The following GTPBP10 variants were observed in gnomAD, a reference collection of about 807,000 sequenced individuals.
GTPBP10 encodes GTP binding protein 10, also known as GTP-binding protein 10.
Under a neutral mutation model 44.8 loss-of-function variants are expected in GTPBP10, and 38 were observed. That is an observed-to-expected ratio of 0.85 (90% confidence interval 0.65 to 1.11). The LOEUF (loss-of-function observed/expected upper bound fraction) is 1.11, where lower values mean the gene tolerates loss of function less well. Among genes scored for constraint, GTPBP10 ranks in the 50% most tolerant of loss-of-function variants. The pLI, the probability that GTPBP10 is intolerant of heterozygous loss-of-function variation, is 0.00. For synonymous variants in GTPBP10, 152 were observed against 150.6 expected, an observed-to-expected ratio of 1.01 and a Z score of -0.07; for missense variants, 462 against 453.7, an observed-to-expected ratio of 1.02 and a Z score of -0.17.
intron 4 of GTPBP10, among the ~76,000 whole-genome samples, chr7:90,360,408 A>T (rs560534621): frequency 3.0e-4 from 45 of 152,208 alleles, no homozygotes; most frequent in African/African-American, 1.0e-3. Context: ...TCCTATCCCC[A>T]TTTCTTGTTT....
At chr7:90,358,496 C>T (rs534846175) in intron 4 of GTPBP10, among the ~76,000 whole-genome samples, 24 of 152,198 alleles carry the variant, frequency 1.6e-4, no homozygotes, top group African/African-American at 5.8e-4. Context: ...GTCAACAAAG[C>T]ACACAAAAAC....
At chr7:90,358,533 C>CA (rs1562954941) in intron 4 of GTPBP10, among the ~76,000 whole-genome samples, 2 of 152,018 alleles carry the variant, frequency 1.3e-5, no homozygotes, top group Non-Finnish European at 2.9e-5. Context: ...ATACCCTATT[C>CA]AAAAAATGAT....
At chr7:90,383,155 A>G in intron 9 of GTPBP10, 76 bp downstream of exon 9, 1 of 1,087,302 alleles carries the variant, frequency 9.2e-7, no homozygotes, top group Non-Finnish European at 1.2e-6. Context: ...TAATCAGTGG[A>G]AAACTGACAG....
intron 4 of GTPBP10, among the ~76,000 whole-genome samples, chr7:90,361,012 C>T (rs1339172165): frequency 6.6e-6 from 1 of 152,166 alleles, no homozygotes; most frequent in Non-Finnish European, 1.5e-5. Flanking sequence ...GCTGAAGTTG[C>T]TTATCAGCTT....
At position 90,384,949 on chromosome 7, in the gene GTPBP10, A is replaced by G; in HGVS notation, c.959A>G (p.His320Arg). 2 of 1,612,366 alleles carry G rather than the reference A, an allele frequency of 1.2e-6. No homozygotes were observed. Among genetic ancestry groups the G allele is most frequent in the African/African-American group, 2.7e-5 (2 of 75,010 alleles). The change falls in exon 10 of 10, where the codon CAT becomes CGT. Residue 320 changes from histidine to arginine, a missense_variant. His to Arg is a conservative substitution (Grantham distance 29, BLOSUM62 0). Transcript: ENST00000222511. ...CCAGAGAGGACTGTAGAGTTCCAAC[A>G]TATCATCCCCATATCTGCAGTTACT... is the stretch of plus-strand genomic sequence containing the variant. The part of the protein sequence containing the change: ...MIPERTVEFQ[H>R]IIPISAVTGE...
chr7:90,361,765 T>A (rs1796025925), intron 4 of GTPBP10, among the ~76,000 whole-genome samples: 1 of 152,134 alleles, frequency 6.6e-6, no homozygotes, highest in Non-Finnish European at 1.5e-5. Context: ...GGTCCTGGAC[T>A]TTTTTTGGTT....
chr7:90,347,461 T>C (rs1430252666), intron 1 of GTPBP10: 1 of 198,530 alleles, frequency 5.0e-6, no homozygotes, highest in African/African-American at 2.4e-5. Flanking sequence ...GTAGAAACTC[T>C]CCTCGAGTAT....
chr7:90,373,024 G>A (rs932548193), intron 5 of GTPBP10, among the ~76,000 whole-genome samples: 2 of 152,094 alleles, frequency 1.3e-5, no homozygotes, highest in African/African-American at 4.8e-5. Context: ...GGGATATGAG[G>A]AATAATTATG....
chr7:90,349,713 C>G (rs42653), intron 1 of GTPBP10, among the ~76,000 whole-genome samples: 135,994 of 152,178 alleles, frequency 0.89, 60,972 homozygotes, highest in East Asian at 1. Context: ...CCTGGTGCTC[C>G]CTTCTCTTCC....
chr7:90,365,350 C>CTGAGACTT (rs1051262153), intron 4 of GTPBP10, among the ~76,000 whole-genome samples: 1 of 145,846 alleles, frequency 6.9e-6, no homozygotes, highest in Non-Finnish European at 1.5e-5. Flanking sequence ...AGATTTTGGA[C>CTGAGACTT]TGAGACTTTG....
chr7:90,373,050 T>C (rs1303453540), intron 5 of GTPBP10, among the ~76,000 whole-genome samples: 3 of 151,972 alleles, frequency 2.0e-5, no homozygotes, highest in East Asian at 1.9e-4. Context: ...ATTAGTAAAA[T>C]AGAGTGGAGG....
At chr7:90,378,350 T>G (rs1796379824) in intron 8 of GTPBP10, 139 bp downstream of exon 8, 4 of 1,134,268 alleles carry the variant, frequency 3.5e-6, no homozygotes, top group Non-Finnish European at 4.7e-6. Flanking sequence ...TTAAACTTGT[T>G]GTCTCCATTT....
rs1175034785 is a variant in GTPBP10 at position 90,390,742 on chromosome 7, A to C, written c.*5588A>C. 1 of 152,184 alleles carries C rather than the reference A, an allele frequency of 6.6e-6. No individual in the cohort carries two copies. Among genetic ancestry groups the C allele is most frequent in the Non-Finnish European group, 1.5e-5 (1 of 68,022 alleles). The allele number at this position is 152,184 out of a possible 1,614,324, so 9.4% of individuals were successfully genotyped here. ...GCCCATATTCCAGTATATTTTTCTG[A>C]AACTGCCAATATTTTCTGATCGGTA... On this transcript the variant is annotated 3_prime_UTR_variant, in exon 10 of 10. Coordinates refer to ENST00000222511, the MANE Select transcript of GTPBP10 (RefSeq NM_033107.4).
At chr7:90,351,769 C>T (rs1340325746) in intron 1 of GTPBP10, among the ~76,000 whole-genome samples, 1 of 152,138 alleles carries the variant, frequency 6.6e-6, no homozygotes, top group Admixed American at 6.5e-5. Flanking sequence ...GATCTCGGCC[C>T]ACTGCAAGCT....
At chr7:90,355,829 T>C (rs1795888091) in intron 4 of GTPBP10, among the ~76,000 whole-genome samples, 1 of 152,206 alleles carries the variant, frequency 6.6e-6, no homozygotes, top group African/African-American at 2.4e-5. Context: ...GCCTCCATTC[T>C]TTCATTAAAT....
chr7:90,363,463 C>T (rs1418560952), intron 4 of GTPBP10, among the ~76,000 whole-genome samples: 1 of 152,092 alleles, frequency 6.6e-6, no homozygotes, highest in African/African-American at 2.4e-5. Flanking sequence ...AATATTGGCC[C>T]CCACTCTCTT....
At chr7:90,351,718 C>T (rs146339750) in intron 1 of GTPBP10, among the ~76,000 whole-genome samples, 174 of 151,470 alleles carry the variant, frequency 1.1e-3, no homozygotes, top group African/African-American at 4.1e-3. Flanking sequence ...TTTTTTGAGA[C>T]GGAGTCTCGC....
chr7:90,361,618 C>T (rs994012160), intron 4 of GTPBP10, among the ~76,000 whole-genome samples: 1 of 152,168 alleles, frequency 6.6e-6, no homozygotes, highest in Non-Finnish European at 1.5e-5. Context: ...CTCACAGGCT[C>T]TGGTATCAGG....
rs752389504 is a variant in GTPBP10 at position 90,377,609 on chromosome 7, T to G, written c.694T>G (p.Phe232Val). The G allele has an allele frequency of 1.3e-6, 2 of 1,592,504 alleles. No individual in the cohort carries two copies. The highest frequency in any genetic ancestry group is 1.7e-6 in the Non-Finnish European group (2 of 1,162,756). ...TATAGAAAGAACTAGACAACTACTT[T>G]TTGTTGTAAGTCATATGTATACTAA... is the stretch of plus-strand genomic sequence containing the variant. ...KHIERTRQLL[F>V]VVDISGFQLS... Residue 232 changes from phenylalanine to valine, a missense_variant, in exon 7 of 10, where the codon TTT (phenylalanine) becomes GTT (valine). Coordinates refer to ENST00000222511, the MANE Select transcript of GTPBP10 (RefSeq NM_033107.4).
Sources: gnomAD v4.1 joint callset for allele counts (sites outside exome capture counted in the v4.1 genomes callset) on GRCh38, gnomAD v4.1.1 for gene constraint, MANE v1.5 for transcripts, NCBI Gene and HGNC (gene_info 2026-07-23, HGNC 2026-07-21) for gene names.